The following TMEM132B variants were observed in gnomAD, a reference collection of about 807,000 sequenced individuals.
TMEM132B encodes the protein transmembrane protein 132B.
Under a neutral mutation model 90.8 loss-of-function variants are expected in TMEM132B, and 18 were observed. The ratio of observed to expected loss-of-function variants is 0.20; its 90% CI spans 0.14 to 0.29. The LOEUF (loss-of-function observed/expected upper bound fraction) is 0.29. Ranked by LOEUF, TMEM132B falls within the 10% of genes least tolerant of loss-of-function variation. The pLI is 1.00. For missense variants in TMEM132B, 1,096 were observed against 1,326.8 expected, an observed-to-expected ratio of 0.83 and a Z score of 2.70; for synonymous variants, 504 against 523.3, an observed-to-expected ratio of 0.96 and a Z score of 0.50.
chr12:125,353,185 C>G (rs542910410), intron 2 of TMEM132B, among the ~76,000 whole-genome samples: 8 of 151,886 alleles, frequency 5.3e-5, no homozygotes, highest in Admixed American at 2.6e-4. Context: ...TCAGCACTCC[C>G]TCTGCCATGG....
At chr12:125,229,726 C>T (rs1873772488) in intron 1 of TMEM132B, among the ~76,000 whole-genome samples, 1 of 152,240 alleles carries the variant, frequency 6.6e-6, no homozygotes, top group South Asian at 2.1e-4. Context: ...TCCTCTGTGA[C>T]TCCTGGCTTT....
intron 1 of TMEM132B, among the ~76,000 whole-genome samples, chr12:125,216,841 G>A (rs375436132): frequency 5.2e-4 from 79 of 152,292 alleles, no homozygotes; most frequent in African/African-American, 1.7e-3. Context: ...GTGGGTCCAC[G>A]GAGGCAGCAA....
chr12:125,209,814 GA>G lies in TMEM132B; in HGVS notation c.67+22950del, dbSNP rs1873278725. Among the ~76,000 whole-genome samples the G allele has an allele frequency of 6.6e-6, 1 of 152,180 alleles. No homozygotes were observed. Among genetic ancestry groups the G allele is most frequent in the Non-Finnish European group, 1.5e-5 (1 of 68,040 alleles). On this transcript the variant is annotated intron_variant, in intron 1 of 8. Coordinates refer to ENST00000682704, the MANE Select transcript of TMEM132B (RefSeq NM_001366854.1). The surrounding 1 kb of genome is among the most constrained non-coding windows in gnomAD (Gnocchi z 4.4). ...TGTACCGGTATAGTCTCTCCTTGTG[GA>G]ACATGAAATTGTTCCCCAATCCTGA...
At chr12:125,465,621 C>T (rs1441405467) in intron 3 of TMEM132B, among the ~76,000 whole-genome samples, 2 of 152,186 alleles carry the variant, frequency 1.3e-5, no homozygotes, top group East Asian at 3.9e-4. Flanking sequence ...TAGGGTGTGC[C>T]CCCTGGACGG....
chr12:125,259,454 A>G (rs113944799), intron 1 of TMEM132B, among the ~76,000 whole-genome samples: 5 of 152,294 alleles, frequency 3.3e-5, no homozygotes, highest in African/African-American at 1.2e-4. Context: ...AATTAGAGAA[A>G]AGCCCAGCAA....
At chr12:125,197,826 T>G (rs557998760) in intron 1 of TMEM132B, among the ~76,000 whole-genome samples, 33 of 152,330 alleles carry the variant, frequency 2.2e-4, no homozygotes, top group African/African-American at 7.2e-4. Flanking sequence ...TTGGTAACTC[T>G]CAGTGGAAAA....
intron 4 of TMEM132B, among the ~76,000 whole-genome samples, chr12:125,530,839 G>A (rs1883625024): frequency 6.6e-6 from 1 of 152,208 alleles, no homozygotes; most frequent in South Asian, 2.1e-4. Flanking sequence ...AACTAATGAT[G>A]TGCAAAAATT....
intron 3 of TMEM132B, among the ~76,000 whole-genome samples, chr12:125,426,440 A>G (rs559899839): frequency 6.8e-4 from 104 of 152,310 alleles, no homozygotes; most frequent in African/African-American, 2.4e-3. Flanking sequence ...GGATGACTAA[A>G]AAGTTCTAAA....
intron 5 of TMEM132B, chr12:125,584,955 A>G (rs1447440922): frequency 6.6e-6 from 1 of 152,172 alleles, no homozygotes. Context: ...CCTTCCTCAC[A>G]TTCTACAAGC....
intron 3 of TMEM132B, among the ~76,000 whole-genome samples, chr12:125,450,914 G>C (rs963154475): frequency 6.6e-6 from 1 of 152,050 alleles, no homozygotes; most frequent in Non-Finnish European, 1.5e-5. Flanking sequence ...TGATTTAACT[G>C]GATTGAATCA....
At chr12:125,531,580 T>C (rs182470892) in intron 4 of TMEM132B, among the ~76,000 whole-genome samples, 1 of 152,200 alleles carries the variant, frequency 6.6e-6, no homozygotes, top group South Asian at 2.1e-4. Context: ...TTTGTCAGTA[T>C]AATTACCGTT....
At position 125,654,630 on chromosome 12, in the gene TMEM132B, A is replaced by G; in HGVS notation, c.3172A>G (p.Lys1058Glu). 2 of 1,614,190 alleles carry G rather than the reference A, an allele frequency of 1.2e-6. No homozygotes were observed. ...CCTGTTTGACAGCGATGATAACATC[A>G]AGTGGGTCTGCCAAGATATGGGGCT... ...SILFDSDDNI[K>E]WVCQDMGLGD... The change falls in exon 9 of 9, where the codon AAG (lysine) becomes GAG (glutamate). Residue 1058 changes from lysine to glutamate, a missense_variant. By Grantham distance (56) the Lys-to-Glu change is moderately conservative (BLOSUM62 1). Coordinates refer to ENST00000682704, the MANE Select transcript of TMEM132B (RefSeq NM_001366854.1). This position sits in a 1 kb window ranked among gnomAD's most constrained non-coding sequence, Gnocchi z 5.8.
intron 3 of TMEM132B, among the ~76,000 whole-genome samples, chr12:125,470,440 T>C (rs1364413151): frequency 6.7e-6 from 1 of 149,832 alleles, no homozygotes; most frequent in African/African-American, 2.5e-5. Context: ...CCTCTCCTTT[T>C]ATTTCTTGCT....
chr12:125,319,986 C>T (rs553614599), intron 1 of TMEM132B, among the ~76,000 whole-genome samples: 28 of 152,038 alleles, frequency 1.8e-4, no homozygotes, highest in African/African-American at 4.1e-4. Flanking sequence ...CATTGCACGC[C>T]GGCCTGGGCA....
chr12:125,344,922 G>A (rs1013895160), intron 1 of TMEM132B, among the ~76,000 whole-genome samples: 1 of 152,082 alleles, frequency 6.6e-6, no homozygotes, highest in Non-Finnish European at 1.5e-5. Flanking sequence ...AGTCCATTCC[G>A]CCGCCGCCAG....
chr12:125,324,529 T>C (rs1876509819), intron 1 of TMEM132B, among the ~76,000 whole-genome samples: 1 of 152,246 alleles, frequency 6.6e-6, no homozygotes, highest in South Asian at 2.1e-4. Flanking sequence ...CTGGTACTGG[T>C]CTGTGGCCTG....
chr12:125,591,182 T>C (rs1885310287), intron 5 of TMEM132B, among the ~76,000 whole-genome samples: 1 of 152,200 alleles, frequency 6.6e-6, no homozygotes, highest in Non-Finnish European at 1.5e-5. Context: ...TTTCATTTTT[T>C]AATCCGTATC....
At chr12:125,586,485 T>C (rs1043947128) in intron 5 of TMEM132B, 5 of 152,234 alleles carry the variant, frequency 3.3e-5, no homozygotes, top group African/African-American at 1.2e-4. Context: ...CATTTCACTG[T>C]GGTCAATCAC....
chr12:125,507,329 A>G (rs192919904), intron 3 of TMEM132B, among the ~76,000 whole-genome samples: 170 of 152,348 alleles, frequency 1.1e-3, no homozygotes, highest in Non-Finnish European at 1.3e-3. Flanking sequence ...ACATGCAGAC[A>G]AAACCCTTGC....
Sources: allele counts gnomAD v4.1 joint callset (sites outside exome capture counted in the v4.1 genomes callset), GRCh38; gene constraint gnomAD v4.1.1; non-coding constraint Gnocchi (gnomAD v3.1); transcripts MANE v1.5; gene names NCBI Gene and HGNC (gene_info 2026-07-23, HGNC 2026-07-21).